The following RGS6 variants were observed in gnomAD, a reference collection of about 807,000 sequenced individuals.
The protein encoded by RGS6 is regulator of G-protein signaling 6.
A neutral mutation model predicts 78.5 loss-of-function variants in RGS6; 30 were observed. The ratio of observed to expected loss-of-function variants is 0.38; its 90% CI spans 0.29 to 0.52. RGS6 has a LOEUF of 0.52. RGS6 is among the 20% of genes least tolerant of loss of function. The pLI, the probability that RGS6 is intolerant of heterozygous loss-of-function variation, is 0.85. For missense variants in RGS6, 495 were observed against 609.7 expected (o/e 0.81, Z 1.98); for synonymous variants, 206 against 206.0 (o/e 1.00, Z 0.00).
intron 15 of RGS6, among the ~76,000 whole-genome samples, chr14:72,531,774 G>T (rs1278661878): frequency 6.6e-6 from 1 of 152,124 alleles, no homozygotes; most frequent in Non-Finnish European, 1.5e-5. Context: ...TAACATATGC[G>T]TGGTCTCATA....
chr14:72,395,191 A>T (rs2090923753), intron 3 of RGS6, among the ~76,000 whole-genome samples: 1 of 152,166 alleles, frequency 6.6e-6, no homozygotes. Flanking sequence ...ATTTTAAAGG[A>T]CTCAAGAGTT....
chr14:72,395,264 T>A (rs2088799362), intron 3 of RGS6, among the ~76,000 whole-genome samples: 1 of 152,152 alleles, frequency 6.6e-6, no homozygotes, highest in South Asian at 2.1e-4. Flanking sequence ...GAAATAACGA[T>A]GTTGAGCATT....
chr14:71,996,093 G>A (rs1043948120), intron 2 of RGS6, among the ~76,000 whole-genome samples: 1 of 152,070 alleles, frequency 6.6e-6, no homozygotes, highest in Non-Finnish European at 1.5e-5. Context: ...AGGCAAGAAG[G>A]GCTGCTGAAA....
At chr14:71,960,585 A>G (rs538261715) in intron 1 of RGS6, among the ~76,000 whole-genome samples, 58 of 152,356 alleles carry the variant, frequency 3.8e-4, no homozygotes, top group African/African-American at 1.3e-3. Flanking sequence ...GTCCCTGCCT[A>G]TGAAGAACTG....
chr14:72,053,130 T>TTCCTTCCTTCCC, intron 2 of RGS6, among the ~76,000 whole-genome samples: 1 of 120,138 alleles, frequency 8.3e-6, no homozygotes, highest in African/African-American at 3.2e-5. Context: ...CCTTCCTTCC[T>TTCCTTCCTTCCC]TTCTTTTTTT....
At chr14:72,025,501 G>A (rs534726855) in intron 2 of RGS6, among the ~76,000 whole-genome samples, 58 of 152,196 alleles carry the variant, frequency 3.8e-4, no homozygotes, top group African/African-American at 1.4e-3. Context: ...GAGGTTGAAG[G>A]GAAGCAAAAT....
chr14:72,419,090 A>G (rs1033974936), intron 3 of RGS6, among the ~76,000 whole-genome samples: 10 of 152,222 alleles, frequency 6.6e-5, no homozygotes, highest in African/African-American at 2.4e-4. Context: ...AACTAGAGAC[A>G]TGAATGGGCA....
chr14:71,930,783 G>A (rs1345991471), upstream of RGS6, among the ~76,000 whole-genome samples: 1 of 151,590 alleles, frequency 6.6e-6, no homozygotes, highest in Admixed American at 6.6e-5. Flanking sequence ...AGGAATTTGA[G>A]ACCAGCTTGG....
intron 2 of RGS6, among the ~76,000 whole-genome samples, chr14:72,236,751 C>T (rs1361041216): frequency 6.6e-6 from 1 of 151,942 alleles, no homozygotes; most frequent in Non-Finnish European, 1.5e-5. Flanking sequence ...ACTTCCCAGA[C>T]AGGGCTGCGG....
chr14:72,171,206 A>G (rs2153682786), intron 2 of RGS6, among the ~76,000 whole-genome samples: 1 of 152,268 alleles, frequency 6.6e-6, no homozygotes, highest in South Asian at 2.1e-4. Flanking sequence ...TTGTCTGTGC[A>G]TGCATGCGTA....
chr14:71,886,363 T>A, the RGS6 span, among the ~76,000 whole-genome samples: 1 of 152,374 alleles, frequency 6.6e-6, no homozygotes, highest in Admixed American at 6.5e-5. Flanking sequence ...GGATCTTCAA[T>A]TAACGTCACT....
chr14:72,190,034 G>T (rs2097302482), intron 2 of RGS6, among the ~76,000 whole-genome samples: 1 of 152,056 alleles, frequency 6.6e-6, no homozygotes, highest in Non-Finnish European at 1.5e-5. Flanking sequence ...AACTTTCCCA[G>T]ACAACCTATC....
At chr14:71,872,786 C>T in the RGS6 span, among the ~76,000 whole-genome samples, 1 of 152,136 alleles carries the variant, frequency 6.6e-6, no homozygotes, top group African/African-American at 2.4e-5. Flanking sequence ...AATGCTATCC[C>T]TCTCCCATTC....
chr14:72,319,845 A>G (rs1040951801), intron 2 of RGS6, among the ~76,000 whole-genome samples: 4 of 152,238 alleles, frequency 2.6e-5, no homozygotes, highest in African/African-American at 7.2e-5. Context: ...ATCACAATAT[A>G]TCCCTGAAGA....
chr14:71,992,101 G>A (rs531086016), intron 2 of RGS6, among the ~76,000 whole-genome samples: 1 of 151,748 alleles, frequency 6.6e-6, no homozygotes, highest in South Asian at 2.1e-4. Context: ...CATGATCTAG[G>A]CTCACTGCAA....
At chr14:71,978,414 C>G (rs1225087923) in intron 2 of RGS6, among the ~76,000 whole-genome samples, 1 of 59,108 alleles carries the variant, frequency 1.7e-5, no homozygotes, top group Non-Finnish European at 3.4e-5. Flanking sequence ...ATAGATAGCT[C>G]TTATTATTTT....
In RGS6 at chr14:72,565,969, G is replaced by T. The variant is rs1033711589; in HGVS notation, c.*3502G>T. On this transcript the variant is annotated 3_prime_UTR_variant, in exon 18 of 18. Coordinates refer to ENST00000553525, the MANE Select transcript of RGS6 (RefSeq NM_001204424.2). Reference sequence around the variant, plus strand: ...AGGAGCTGGGAAACTCTGGGCTCGGGGGGAGATAATGCACCACCAGCCTCA... The same window carrying T: ...AGGAGCTGGGAAACTCTGGGCTCGGTGGGAGATAATGCACCACCAGCCTCA... 1.3e-5 allele frequency: 2 copies of T among 152,202 alleles called. No homozygotes were observed. The highest frequency in any genetic ancestry group is 1.3e-4 in the Admixed American group (2 of 15,270). The allele number at this position is 152,202 out of a possible 1,614,324, so 9.4% of individuals were successfully genotyped here. A position where few individuals can be genotyped will look rare whatever the true frequency, so the allele number is the denominator to read the frequency against.
chr14:72,359,517 G>A (rs2081051987), intron 3 of RGS6, among the ~76,000 whole-genome samples: 1 of 152,158 alleles, frequency 6.6e-6, no homozygotes, highest in Non-Finnish European at 1.5e-5. Flanking sequence ...TTTTAAGGGA[G>A]TGTCTGTGCT....
chr14:72,374,896 T>G (rs1302357765), intron 3 of RGS6, among the ~76,000 whole-genome samples: 1 of 152,178 alleles, frequency 6.6e-6, no homozygotes, highest in African/African-American at 2.4e-5. Context: ...GATTAAGGAT[T>G]CTCAAAAAGG....
Sources: allele counts gnomAD v4.1 joint callset (sites outside exome capture counted in the v4.1 genomes callset), GRCh38; gene constraint gnomAD v4.1.1; transcripts MANE v1.5; gene names NCBI Gene and HGNC (gene_info 2026-07-23, HGNC 2026-07-21).